JMY: variants seen among roughly 807,000 people sequenced by gnomAD.
JMY encodes the protein junction-mediating and -regulatory protein.
In JMY, 46 loss-of-function variants were observed where a neutral mutation model predicts 103.3. That is an observed-to-expected ratio of 0.45 (90% CI 0.35 to 0.57). The LOEUF (loss-of-function observed/expected upper bound fraction) is 0.57. Among genes scored for constraint, JMY ranks in the 20% least tolerant of loss-of-function variants. The probability of loss-of-function intolerance (pLI) is 0.00; values close to 1 mark genes in which losing one functional copy is unlikely to be tolerated. For missense variants in JMY, 1,238 were observed against 1,255.2 expected (o/e 0.99, Z 0.21); for synonymous variants, 526 against 489.3 (o/e 1.07, Z -0.99).
intron 4 of JMY, among the ~76,000 whole-genome samples, chr5:79,292,523 A>G (rs1746453180): frequency 6.6e-6 from 1 of 151,846 alleles, no homozygotes; most frequent in African/African-American, 2.4e-5. Context: ...GTCTCCCTAT[A>G]TTGCCCAGGC....
chr5:79,314,604 A>T lies in JMY; in HGVS notation c.2412A>T (p.Pro804=). 1.2e-6 allele frequency: 2 copies of T among 1,612,592 alleles called. No individual in the cohort carries two copies. The highest frequency in any genetic ancestry group is 1.7e-6 in the Non-Finnish European group (2 of 1,179,152). The change falls in exon 9 of 11, where the codon CCA becomes CCT. Residue 804 remains proline, a synonymous_variant. Transcript: ENST00000396137. ...GTTCTGTTACCATAAATCCACTCCC[A>T]TCCCCTCTTCCTCCAACACCACCAC... ...EPCSVTINPL[P]SPLPPTPPPP... is the part of the protein sequence containing the mutation.
rs891789012 is a variant in JMY, at chr5:79,236,671, G to C, written c.21G>C (p.Glu7Asp). The C allele has an allele frequency of 8.2e-6, 12 of 1,472,250 alleles. No individual in the cohort carries two copies. 91.2% of individuals were successfully genotyped at this position (1,472,250 alleles called of 1,614,324 possible). A position where few individuals can be genotyped will look rare whatever the true frequency, so the allele number is the denominator to read the frequency against. Residue 7 changes from glutamate to aspartate, a missense_variant, in exon 1 of 11, where the codon GAG becomes GAC. Transcript: ENST00000396137. ...CCACCATGTCGTTCGCGCTGGAGGA[G>C]ACGCTCGAGTCGGACTGGGTGGCTG... Reference protein sequence around the residue: MSFALEETLESDWVAVR... With the variant: MSFALEDTLESDWVAVR...
Position 79,236,500 on chromosome 5 carries a change from G to A in JMY, c.-151G>A, listed in dbSNP as rs1744497580. On this transcript the variant is annotated 5_prime_UTR_variant, in exon 1 of 11. Transcript: ENST00000396137. ...GAGCTCGGCGGTCGGGGCGCGGAGG[G>A]ACAGGCGAACGAGCCGGGAGAGCCG... is the stretch of plus-strand genomic sequence containing the variant. 1 of 510,880 alleles carries A rather than the reference G, an allele frequency of 2.0e-6. No homozygotes were observed. The allele number at this position is 510,880 out of a possible 1,614,324, so 31.6% of individuals were successfully genotyped here. A position where few individuals can be genotyped will look rare whatever the true frequency, so the allele number is the denominator to read the frequency against.
chr5:79,313,720 C>CT (rs548688726), intron 8 of JMY, among the ~76,000 whole-genome samples: 4 of 152,188 alleles, frequency 2.6e-5, no homozygotes, highest in South Asian at 2.1e-4. Flanking sequence ...CACTAAAAAT[C>CT]TTTTTTTAAT....
chr5:79,307,645 A>G (rs1482294615), intron 7 of JMY, among the ~76,000 whole-genome samples: 1 of 152,136 alleles, frequency 6.6e-6, no homozygotes, highest in Non-Finnish European at 1.5e-5. Flanking sequence ...ATGCAGATAT[A>G]TAGATAAATA....
In JMY at chr5:79,300,233, G is replaced by C. The variant is rs34032465; in HGVS notation, c.1608G>C (p.Gln536His). Reference sequence around the variant, plus strand: ...CTGATTATTATGATCTGCAACTTCAGTTGTATGAAGTACAGTTTGAAATCT... The same window carrying C: ...CTGATTATTATGATCTGCAACTTCACTTGTATGAAGTACAGTTTGAAATCT... ...LEADYYDLQL[Q>H]LYEVQFEILK... The change falls in exon 5 of 11, where the codon CAG (glutamine) becomes CAC (histidine). Residue 536 changes from glutamine to histidine, a missense_variant. Coordinates refer to ENST00000396137, the MANE Select transcript of JMY (RefSeq NM_152405.5). The C allele has an allele frequency of 6.2e-7, 1 of 1,605,776 alleles. No homozygotes were observed.
intron 9 of JMY, among the ~76,000 whole-genome samples, chr5:79,315,418 G>A (rs927810911): frequency 1.2e-4 from 19 of 152,034 alleles, no homozygotes; most frequent in African/African-American, 3.6e-4. Context: ...TCTAAAAAGA[G>A]CAGAGAATAA....
intron 4 of JMY, 46 bp downstream of exon 4, chr5:79,291,345 T>G: frequency 6.7e-7 from 1 of 1,484,778 alleles, no homozygotes; most frequent in Middle Eastern, 1.8e-4. Flanking sequence ...AGTTACAGTT[T>G]GTCATTTTAA....
intron 2 of JMY, chr5:79,284,402 C>T (rs949617926): frequency 2.5e-5 from 35 of 1,390,632 alleles, no homozygotes; most frequent in Non-Finnish European, 3.2e-5. Flanking sequence ...CTGCACCTCT[C>T]GGGTCATGAT....
intron 1 of JMY, among the ~76,000 whole-genome samples, chr5:79,240,563 C>T (rs188857062): frequency 1.6e-4 from 25 of 152,264 alleles, no homozygotes; most frequent in African/African-American, 5.8e-4. Context: ...ACTGCCTCGG[C>T]CTCCCAAAGT....
In JMY at chr5:79,326,228, G is replaced by A. The variant is rs1747640580; in HGVS notation, c.*4626G>A. 1 of 152,074 alleles carries A rather than the reference G, an allele frequency of 6.6e-6. No individual in the cohort carries two copies. Among genetic ancestry groups the A allele is most frequent in the Admixed American group, 6.6e-5 (1 of 15,266 alleles). The allele number at this position is 152,074 out of a possible 1,614,324, so 9.4% of individuals were successfully genotyped here. A position where few individuals can be genotyped will look rare whatever the true frequency, so the allele number is the denominator to read the frequency against. On this transcript the variant is annotated 3_prime_UTR_variant, in exon 11 of 11. Transcript: ENST00000396137. ...GTTTTTAATTAGGCACACTAAGAGT[G>A]GCTAAATTTGGGGGAATTGGTGGAT...
chr5:79,309,053 T>C (rs1580370065), intron 7 of JMY, among the ~76,000 whole-genome samples: 1 of 152,342 alleles, frequency 6.6e-6, no homozygotes, highest in East Asian at 1.9e-4. Context: ...AGCTTTTTCT[T>C]AATAATCTAT....
At chr5:79,266,269 G>C (rs1336154435) in intron 1 of JMY, among the ~76,000 whole-genome samples, 1 of 152,178 alleles carries the variant, frequency 6.6e-6, no homozygotes, top group Non-Finnish European at 1.5e-5. Context: ...TGTCTGTTTG[G>C]TTCACCATTG....
At chr5:79,250,448 A>C (rs1369645122) in intron 1 of JMY, among the ~76,000 whole-genome samples, 1 of 151,950 alleles carries the variant, frequency 6.6e-6, no homozygotes, top group East Asian at 1.9e-4. Flanking sequence ...TTTTTTCTGT[A>C]TTTACCTTTA....
At chr5:79,315,018 A>G (rs1050758381) in intron 9 of JMY, among the ~76,000 whole-genome samples, 167 bp downstream of exon 9, 2 of 152,248 alleles carry the variant, frequency 1.3e-5, no homozygotes, top group Non-Finnish European at 2.9e-5. Context: ...CATAAAGTAC[A>G]CAGAAATGTA....
intron 4 of JMY, among the ~76,000 whole-genome samples, chr5:79,293,794 T>C (rs2112101075): frequency 6.6e-6 from 1 of 152,332 alleles, no homozygotes; most frequent in East Asian, 1.9e-4. Flanking sequence ...TGTGAAAGAA[T>C]CCTTTGTGAG....
intron 1 of JMY, among the ~76,000 whole-genome samples, chr5:79,263,306 T>G (rs1044471119): frequency 3.9e-5 from 6 of 152,216 alleles, no homozygotes; most frequent in Non-Finnish European, 7.3e-5. Flanking sequence ...TTTGAAGAGT[T>G]TACTTGGGCC....
At position 79,283,498 on chromosome 5, in the gene JMY, A is replaced by G. The variant is rs550622524; in HGVS notation, c.1206+5415A>G. Among the ~76,000 whole-genome samples the G allele has an allele frequency of 5.9e-5, 9 of 152,318 alleles. No individual in the cohort carries two copies. In the South Asian group the frequency reaches 1.2e-3, roughly 21 times the overall value. ...TACATTTAATATTTATGATATTAACATAATATCTCACCTGTTAAGTATTAA... is the reference window on the plus strand; with the variant it reads ...TACATTTAATATTTATGATATTAACGTAATATCTCACCTGTTAAGTATTAA... On this transcript the variant is annotated intron_variant, in intron 2 of 10. Coordinates refer to ENST00000396137, the MANE Select transcript of JMY (RefSeq NM_152405.5).
At chr5:79,305,648 C>T (rs1032633081) in intron 6 of JMY, among the ~76,000 whole-genome samples, 1 of 151,910 alleles carries the variant, frequency 6.6e-6, no homozygotes, top group Non-Finnish European at 1.5e-5. Flanking sequence ...TTGCAAAAAT[C>T]CTGTTTTATA....
Sources: allele counts gnomAD v4.1 joint callset (sites outside exome capture counted in the v4.1 genomes callset), GRCh38; gene constraint gnomAD v4.1.1; transcripts MANE v1.5; gene names NCBI Gene and HGNC (gene_info 2026-07-23, HGNC 2026-07-21).